Variants in IGF1R observed in about 807,000 individuals in gnomAD.
IGF1R encodes insulin like growth factor 1 receptor, also known as insulin-like growth factor 1 receptor.
In IGF1R, 44 loss-of-function variants were observed where a neutral mutation model predicts 144.6. The observed-to-expected ratio is 0.30, with a 90% CI of 0.24 to 0.39. The LOEUF (loss-of-function observed/expected upper bound fraction) is 0.39, where lower values mean the gene tolerates loss of function less well. IGF1R is among the 10% of genes least tolerant of loss of function. IGF1R has a pLI of 1.00. For missense variants in IGF1R, 1,355 were observed against 1,833.7 expected (o/e 0.74, Z 4.77); for synonymous variants, 795 against 722.8 (o/e 1.10, Z -1.60).
chr15:98,897,807 T>G (rs1337847694), intron 4 of IGF1R, among the ~76,000 whole-genome samples: 1 of 152,188 alleles, frequency 6.6e-6, no homozygotes, highest in African/African-American at 2.4e-5. Context: ...TGCCTTAAAT[T>G]CTCTGCCACT....
Position 98,855,975 on chromosome 15 carries a change from A to G in IGF1R, c.641-35350A>G, listed in dbSNP as rs114960684. 3.8e-3 allele frequency among the ~76,000 whole-genome samples: 579 copies of G among 152,362 alleles called. 5 individuals are homozygous for G. Among genetic ancestry groups the G allele is most frequent in the African/African-American group, 0.013 (560 of 41,588 alleles). On this transcript the variant is annotated intron_variant, in intron 2 of 20. Coordinates refer to ENST00000650285, the MANE Select transcript of IGF1R (RefSeq NM_000875.5). The stretch of plus-strand genomic sequence containing the variant: ...GAGCAGAGTGGCCGTAGAGGCTGCA[A>G]CACGGTGGCCAAAGCATGAAGCTGC...
At chr15:98,886,724 G>A (rs1305136205) in intron 2 of IGF1R, among the ~76,000 whole-genome samples, 1 of 152,064 alleles carries the variant, frequency 6.6e-6, no homozygotes, top group Non-Finnish European at 1.5e-5. Context: ...ACACTGCCCG[G>A]GGCTTTTCAA....
intron 1 of IGF1R, among the ~76,000 whole-genome samples, chr15:98,686,289 C>T (rs193048576): frequency 1.2e-4 from 18 of 152,276 alleles, no homozygotes; most frequent in Admixed American, 1.0e-3. Context: ...ATGTCCATTA[C>T]CATGTGGTAT....
At chr15:98,945,002 A>G (rs1046505045) in intron 19 of IGF1R, among the ~76,000 whole-genome samples, 6 of 152,290 alleles carry the variant, frequency 3.9e-5, no homozygotes, top group African/African-American at 9.6e-5. Context: ...AACACCTCCA[A>G]GTTTCCTGCT....
intron 2 of IGF1R, among the ~76,000 whole-genome samples, chr15:98,715,970 G>A (rs1044475391): frequency 2.0e-5 from 3 of 152,166 alleles, no homozygotes; most frequent in African/African-American, 7.2e-5. Context: ...GAACTTCTGG[G>A]GGATAAGAAG....
chr15:98,861,894 A>T (rs557998817), intron 2 of IGF1R, among the ~76,000 whole-genome samples: 8 of 152,370 alleles, frequency 5.3e-5, no homozygotes, highest in African/African-American at 1.9e-4. Context: ...TGCATATCCC[A>T]TAATGCTGGG....
At chr15:98,904,469 A>G (rs149595607) in intron 5 of IGF1R, among the ~76,000 whole-genome samples, 223 of 152,350 alleles carry the variant, frequency 1.5e-3, no homozygotes, top group African/African-American at 4.9e-3. Flanking sequence ...TTCCACCTAG[A>G]TAGACATATC....
intron 1 of IGF1R, among the ~76,000 whole-genome samples, chr15:98,659,407 A>T (rs2052552910): frequency 6.6e-6 from 1 of 152,084 alleles, no homozygotes; most frequent in Admixed American, 6.5e-5. Flanking sequence ...GGCTCCATCT[A>T]GTGGCCAGAA....
At chr15:98,744,590 T>TGGAAGGGACTCTGCTGAGAG (rs1388397536) in intron 2 of IGF1R, among the ~76,000 whole-genome samples, 6 of 151,842 alleles carry the variant, frequency 4.0e-5, no homozygotes, top group Admixed American at 1.3e-4. Flanking sequence ...TAAAAGTCCA[T>TGGAAGGGACTCTGCTGAGAG]GGAAGGGACT....
intron 2 of IGF1R, among the ~76,000 whole-genome samples, chr15:98,810,213 C>G (rs1017730926): frequency 2.4e-4 from 36 of 152,120 alleles, no homozygotes; most frequent in Admixed American, 6.5e-4. Flanking sequence ...GTACTGCTCT[C>G]TGCTTTCCTA....
chr15:98,835,110 C>CA (rs1491542224), intron 2 of IGF1R, among the ~76,000 whole-genome samples: 4 of 141,224 alleles, frequency 2.8e-5, no homozygotes, highest in African/African-American at 1.2e-4. Flanking sequence ...CACACACACA[C>CA]CCCTACACCC....
intron 2 of IGF1R, among the ~76,000 whole-genome samples, chr15:98,877,513 T>TTC (rs773470156): frequency 1.5e-3 from 168 of 111,412 alleles, no homozygotes; most frequent in East Asian, 8.9e-3. Flanking sequence ...TTTTTTTTTT[T>TTC]CCCCAAAAAA....
intron 2 of IGF1R, among the ~76,000 whole-genome samples, chr15:98,786,243 C>A (rs1315655433): frequency 1.3e-5 from 2 of 152,212 alleles, no homozygotes; most frequent in Non-Finnish European, 2.9e-5. Context: ...AGCCAGGACA[C>A]TTAGAACAAG....
At chr15:98,939,425 C>T (rs1304894415) in intron 18 of IGF1R, 65 bp downstream of exon 18, 3 of 1,505,792 alleles carry the variant, frequency 2.0e-6, no homozygotes, top group Non-Finnish European at 2.8e-6. Context: ...ACTTTGTTGG[C>T]ATTAGTCTGC....
At chr15:98,736,681 G>A (rs934510471) in intron 2 of IGF1R, among the ~76,000 whole-genome samples, 2 of 148,362 alleles carry the variant, frequency 1.3e-5, no homozygotes, top group African/African-American at 2.5e-5. Flanking sequence ...GCATGATCTC[G>A]GCTTACTGCA....
chr15:98,950,080 G>T (rs2016715839), intron 20 of IGF1R, among the ~76,000 whole-genome samples: 1 of 152,194 alleles, frequency 6.6e-6, no homozygotes. Context: ...GACCAATTCA[G>T]GAGATTTCCA....
chr15:98,855,276 G>C (rs899408695), intron 2 of IGF1R, among the ~76,000 whole-genome samples: 2 of 152,214 alleles, frequency 1.3e-5, no homozygotes, highest in African/African-American at 4.8e-5. Context: ...CTCCACTTCA[G>C]CGCTCTCAGC....
intron 13 of IGF1R, among the ~76,000 whole-genome samples, chr15:98,925,096 T>C (rs1295904857): frequency 1.3e-5 from 2 of 152,144 alleles, no homozygotes; most frequent in Non-Finnish European, 2.9e-5. Flanking sequence ...GATTCAGGGC[T>C]TGAAATCCTA....
At chr15:98,858,073 G>A (rs916329288) in intron 2 of IGF1R, among the ~76,000 whole-genome samples, 6 of 152,162 alleles carry the variant, frequency 3.9e-5, no homozygotes, top group Admixed American at 1.3e-4. Context: ...GGATTCAAGC[G>A]TTAAGGAAAA....
Sources: gnomAD v4.1 joint callset for allele counts (sites outside exome capture counted in the v4.1 genomes callset) on GRCh38, gnomAD v4.1.1 for gene constraint, MANE v1.5 for transcripts, NCBI Gene and HGNC (gene_info 2026-07-23, HGNC 2026-07-21) for gene names.